The following CLCN4 variants were observed in gnomAD, a reference collection of about 807,000 sequenced individuals.
CLCN4 encodes Cl-/H+ antiporter 4, also known as H(+)/Cl(-) exchange transporter 4.
Under a neutral mutation model 41.7 loss-of-function variants are expected in CLCN4, and 1 was observed. The ratio of observed to expected loss-of-function variants is 0.02; its 90% confidence interval spans 0.01 to 0.11. CLCN4 has a LOEUF of 0.11. CLCN4 is among the 10% of genes least tolerant of loss of function. The pLI is 1.00. For synonymous variants in CLCN4, 277 were observed against 285.8 expected, an observed-to-expected ratio of 0.97 and a Z score of 0.31; for missense variants, 287 against 661.0, an observed-to-expected ratio of 0.43 and a Z score of 6.20.
At chrX:10,190,560 G>A (rs1923934571) in intron 4 of CLCN4, among the ~76,000 whole-genome samples, 1 of 111,697 alleles carries the variant, frequency 9.0e-6, no homozygotes, top group Admixed American at 9.5e-5. Flanking sequence ...GCTGTTGCTA[G>A]GGGGCAGTGT....
chrX:10,227,477 C>G (rs1385078377), intron 12 of CLCN4, among the ~76,000 whole-genome samples: 1 of 111,898 alleles, frequency 8.9e-6, no homozygotes, highest in African/African-American at 3.3e-5. Context: ...AAGCATTCCC[C>G]TTGAAAACCA....
Position 10,220,787 on chromosome X carries a change from C to T in CLCN4, c.2102C>T (p.Pro701Leu), listed in dbSNP as rs763898442. 8.3e-6 allele frequency: 10 copies of T among 1,209,929 alleles called. No homozygotes were observed. The highest frequency in any genetic ancestry group is 3.0e-5 in the East Asian group (1 of 33,773). Residue 701 changes from proline (P) to leucine (L), a missense_variant, in exon 12 of 13, where the codon CCG becomes CTG. By Grantham distance (98) the Pro-to-Leu change is moderately conservative. Around this residue, in one of 6 missense-constraint regions of CLCN4, gnomAD observed 71 missense variants for 104.5 expected, o/e 0.68. Transcript: ENST00000380833. ...CTGCGGCGCATCCTGAACCTCAGCC[C>T]GTTTACAGTGACAGACCACACTCCG... ...LKLRRILNLS[P>L]FTVTDHTPME...
rs1925245155 is a variant in CLCN4 at position 10,236,181 on chromosome X, A to T, written c.*2597A>T. The T allele has an allele frequency of 9.0e-6, 1 of 111,629 alleles. No homozygotes were observed. Among genetic ancestry groups the T allele is most frequent in the South Asian group, 3.8e-4 (1 of 2,653 alleles). The allele number at this position is 111,629 out of a possible 1,213,427, so 9.2% of individuals were successfully genotyped here. On this transcript the variant is annotated 3_prime_UTR_variant, in exon 13 of 13. Transcript: ENST00000380833. ...AGCCAAAGGTCAGTGAAACCACAGC[A>T]TTTCTTTCTAATCTGGCTGAGGCCA...
intron 2 of CLCN4, among the ~76,000 whole-genome samples, chrX:10,178,367 C>T (rs910090946): frequency 9.0e-6 from 1 of 111,476 alleles, no homozygotes; most frequent in African/African-American, 3.3e-5. Flanking sequence ...AGGAAAAGGT[C>T]TCAAGGTGAC....
intron 11 of CLCN4, among the ~76,000 whole-genome samples, chrX:10,216,893 G>A (rs867703003): frequency 0.012 from 16 of 1,298 alleles, no homozygotes; most frequent in African/African-American, 0.047. Flanking sequence ...GTGTGTGTGT[G>A]TGTGTATATA....
intron 4 of CLCN4, among the ~76,000 whole-genome samples, chrX:10,194,697 G>A (rs1924051904): frequency 8.9e-6 from 1 of 112,228 alleles, no homozygotes; most frequent in South Asian, 3.7e-4. Flanking sequence ...TTCTCATTGG[G>A]CTTGTGCTGC....
chrX:10,161,153 C>G (rs867221271), intron 2 of CLCN4, among the ~76,000 whole-genome samples: 1 of 97,828 alleles, frequency 1.0e-5, no homozygotes, highest in South Asian at 4.9e-4. Flanking sequence ...CTCTCTCTCT[C>G]TCTCTCTCTG....
intron 10 of CLCN4, among the ~76,000 whole-genome samples, chrX:10,213,433 T>C (rs1924620544): frequency 8.9e-6 from 1 of 111,779 alleles, no homozygotes; most frequent in Admixed American, 9.5e-5. Context: ...CCACGGTGAA[T>C]AGACAACCCG....
rs1210170292 is a variant in CLCN4 at position 10,234,078 on chromosome X, TGAAAAA to T, written c.*505_*510del. On this transcript the variant is annotated 3_prime_UTR_variant, in exon 13 of 13. Coordinates refer to ENST00000380833, the MANE Select transcript of CLCN4 (RefSeq NM_001830.4). Reference sequence around the variant, plus strand: ...CTAAAGACATTTGCGCTTACTTTGTTGAAAAAGAAAAAGAAATTAAATTTGAACACA... The same window carrying T: ...CTAAAGACATTTGCGCTTACTTTGTTGAAAAAGAAATTAAATTTGAACACA... 1 of 112,852 alleles carries T rather than the reference TGAAAAA, an allele frequency of 8.9e-6. No homozygotes were observed. Among genetic ancestry groups the T allele is most frequent in the Admixed American group, 9.4e-5 (1 of 10,619 alleles). 9.3% of individuals were successfully genotyped at this position (112,852 alleles called of 1,213,427 possible). A position where few individuals can be genotyped will look rare whatever the true frequency, so the allele number is the denominator to read the frequency against.
intron 4 of CLCN4, among the ~76,000 whole-genome samples, chrX:10,194,184 G>A (rs16985984): frequency 0.42 from 46,236 of 108,924 alleles, 8,363 homozygotes; most frequent in Non-Finnish European, 0.57. Flanking sequence ...AACCGATCCT[G>A]TAATAATGAT....
intron 12 of CLCN4, among the ~76,000 whole-genome samples, chrX:10,227,849 A>G (rs1925027630): frequency 8.9e-6 from 1 of 112,408 alleles, no homozygotes; most frequent in African/African-American, 3.2e-5. Flanking sequence ...TTTCCTTGTT[A>G]GGGCTGAATC....
At chrX:10,209,176 C>T (rs1407768709) in intron 9 of CLCN4, among the ~76,000 whole-genome samples, 2 of 110,622 alleles carry the variant, frequency 1.8e-5, no homozygotes, top group Admixed American at 9.7e-5. Flanking sequence ...GTGTGTCCCC[C>T]GTCTGGGTAG....
At chrX:10,160,712 G>A (rs938412084) in intron 2 of CLCN4, among the ~76,000 whole-genome samples, 3 of 111,711 alleles carry the variant, frequency 2.7e-5, no homozygotes, top group Non-Finnish European at 5.7e-5. Context: ...CAAATGGCCC[G>A]CACCACCAGC....
chrX:10,220,017 A>G (rs988736898), intron 11 of CLCN4, among the ~76,000 whole-genome samples: 4 of 111,650 alleles, frequency 3.6e-5, no homozygotes, highest in African/African-American at 9.8e-5. Context: ...CAGTTTTACT[A>G]TCTTTCTTTG....
intron 4 of CLCN4, among the ~76,000 whole-genome samples, chrX:10,192,244 TACACACACAC>T (rs56033729): frequency 4.0e-5 from 4 of 100,509 alleles, no homozygotes; most frequent in African/African-American, 1.5e-4. Flanking sequence ...CTAGTGGAAG[TACACACACAC>T]ACACACACAC....
At chrX:10,211,219 TCACGC>T (rs1924538871) in intron 9 of CLCN4, among the ~76,000 whole-genome samples, 1 of 84,159 alleles carries the variant, frequency 1.2e-5, no homozygotes, top group Admixed American at 1.8e-4. Flanking sequence ...TGAGCTGAGA[TCACGC>T]CACTGCACAC....
At position 10,195,236 on chromosome X, in the gene CLCN4, A is replaced by G. The variant is rs193094141; in HGVS notation, c.432+138A>G. On this transcript the variant is annotated intron_variant, in intron 5 of 12. Coordinates refer to ENST00000380833, the MANE Select transcript of CLCN4 (RefSeq NM_001830.4). The stretch of plus-strand genomic sequence containing the variant: ...GAAGTTCGTGGCTTAACACTAGATG[A>G]CGGGCTTTTTCCAGCTCTAATGCTA... 1,855 of 564,370 alleles carry G rather than the reference A, an allele frequency of 3.3e-3. 34 individuals carry two copies. Among genetic ancestry groups the G allele is most frequent in the Non-Finnish European group, 6.0e-4 (216 of 358,071 alleles). 46.5% of individuals were successfully genotyped at this position (564,370 alleles called of 1,213,427 possible).
At chrX:10,160,995 A>G (rs750278565) in intron 2 of CLCN4, among the ~76,000 whole-genome samples, 1 of 110,745 alleles carries the variant, frequency 9.0e-6, no homozygotes, top group East Asian at 2.9e-4. Flanking sequence ...AGGGGGGGAC[A>G]TGTTTACTAT....
intron 2 of CLCN4, among the ~76,000 whole-genome samples, chrX:10,175,890 TTCTC>T (rs1222370076): frequency 2.4e-4 from 7 of 29,086 alleles, no homozygotes; most frequent in African/African-American, 9.5e-4. Flanking sequence ...CTCTCTCTCT[TTCTC>T]TCTCTCTCTC....
Sources: gnomAD v4.1 joint callset for allele counts (sites outside exome capture counted in the v4.1 genomes callset) on GRCh38, gnomAD v4.1.1 for gene constraint, gnomAD v4.1.1 regional missense constraint, MANE v1.5 for transcripts, NCBI Gene and HGNC (gene_info 2026-07-23, HGNC 2026-07-21) for gene names.